Variants in R3HDML observed in about 807,000 individuals in gnomAD.
The protein encoded by R3HDML is R3H domain containing like, also known as peptidase inhibitor R3HDML.
Under a neutral mutation model 24.2 loss-of-function variants are expected in R3HDML, and 21 were observed. The observed-to-expected ratio is 0.87, with a 90% CI of 0.62 to 1.25. The LOEUF (loss-of-function observed/expected upper bound fraction) is 1.25, where lower values mean the gene tolerates loss of function less well. Ranked by LOEUF, R3HDML falls within the 50% of genes most tolerant of loss-of-function variation. R3HDML has a pLI of 0.00. For missense variants in R3HDML, 301 were observed against 340.3 expected (o/e 0.88, Z 0.91); for synonymous variants, 133 against 131.5 (o/e 1.01, Z -0.08).
intron 2 of R3HDML, 102 bp from the exon 3 acceptor site, chr20:44,343,275 G>T (rs2062776811): frequency 1.4e-6 from 2 of 1,418,772 alleles, no homozygotes; most frequent in South Asian, 2.4e-5. Flanking sequence ...CTGAGATGGG[G>T]GAAAGGAAGC....
In R3HDML at chr20:44,337,104, C is replaced by T; in HGVS notation, c.-54C>T. 3.2e-6 allele frequency: 5 copies of T among 1,564,084 alleles called. No individual in the cohort carries two copies. The highest frequency in any genetic ancestry group is 4.3e-6 in the Non-Finnish European group (5 of 1,151,744). ...TCTGGTGCTCTCGTGCCTGCCCCTT[C>T]CAGGCAGCCGGCTCTGATTGCACAA... On this transcript the variant is annotated 5_prime_UTR_variant, in exon 1 of 5. Transcript: ENST00000217043. This position sits in a 1 kb window ranked among gnomAD's most constrained non-coding sequence, Gnocchi z 4.7.
intron 3 of R3HDML, among the ~76,000 whole-genome samples, chr20:44,344,458 T>TA (rs2062780686): frequency 6.7e-6 from 1 of 149,080 alleles, no homozygotes; most frequent in African/African-American, 2.5e-5. Flanking sequence ...AATAATAATT[T>TA]AAAAAGGAAA....
intron 4 of R3HDML, among the ~76,000 whole-genome samples, chr20:44,349,150 T>A (rs7409511): frequency 3.2e-5 from 3 of 94,036 alleles, no homozygotes; most frequent in African/African-American, 1.3e-4. Context: ...ATAAAATAAA[T>A]AAAATAAAAT....
Position 44,337,560 on chromosome 20 carries a change from A to G in R3HDML, c.261+142A>G. 3 of 884,952 alleles carry G rather than the reference A, an allele frequency of 3.4e-6. No homozygotes were observed. The highest frequency in any genetic ancestry group is 2.7e-5 in the Admixed American group (1 of 37,406). 54.8% of individuals were successfully genotyped at this position (884,952 alleles called of 1,614,324 possible). On this transcript the variant is annotated intron_variant, in intron 1 of 4. Transcript: ENST00000217043. The surrounding 1 kb of genome is among the most constrained non-coding windows in gnomAD (Gnocchi z 4.7). ...CCCACTAGCCAGTATCTGGGTGTCG[A>G]CCTGTGGAAAGGGCAGGAGTTAATC...
At position 44,341,182 on chromosome 20, in the gene R3HDML, C is replaced by T. The variant is rs757878294; in HGVS notation, c.262-14C>T. The T allele has an allele frequency of 6.3e-7, 1 of 1,598,896 alleles. No homozygotes were observed. The highest frequency in any genetic ancestry group is 1.1e-5 in the South Asian group (1 of 90,358). On this transcript the variant is annotated splice_polypyrimidine_tract_variant and intron_variant, in intron 1 of 4. Transcript: ENST00000217043. ...CAATTCCCCTGGGGAATTTCATTGC[C>T]TTTCTTTCCCCAGGTCTGGGACAAG...
At chr20:44,341,397 G>T in intron 2 of R3HDML, 83 bp downstream of exon 2, 1 of 1,136,334 alleles carries the variant, frequency 8.8e-7, no homozygotes, top group South Asian at 1.5e-5. Flanking sequence ...TGCTGCACTT[G>T]ACACTGGGAT....
chr20:44,345,946 A>C (rs2062785788), intron 4 of R3HDML, among the ~76,000 whole-genome samples: 1 of 151,992 alleles, frequency 6.6e-6, no homozygotes, highest in Non-Finnish European at 1.5e-5. Flanking sequence ...CAGCCTCCCG[A>C]GTAGCTGGGA....
intron 4 of R3HDML, among the ~76,000 whole-genome samples, chr20:44,346,522 C>G (rs113856630): frequency 0.1 from 15,338 of 152,260 alleles, 963 homozygotes; most frequent in Middle Eastern, 0.17. Flanking sequence ...ATGTGGCTTA[C>G]ATCTGCCAAT....
intron 4 of R3HDML, among the ~76,000 whole-genome samples, chr20:44,346,812 G>A (rs554589215): frequency 5.3e-5 from 8 of 152,186 alleles, no homozygotes; most frequent in South Asian, 4.1e-4. Context: ...GGGAGCAAGC[G>A]TAATGAAACT....
chr20:44,341,069 C>G, intron 1 of R3HDML, 127 bp from the exon 2 acceptor site: 1 of 718,736 alleles, frequency 1.4e-6, no homozygotes, highest in Non-Finnish European at 2.4e-6. Context: ...TACTTTGTCA[C>G]GTGGGTTTGT....
intron 1 of R3HDML, among the ~76,000 whole-genome samples, chr20:44,339,880 G>A (rs1162357112): frequency 6.6e-6 from 1 of 152,088 alleles, no homozygotes; most frequent in Non-Finnish European, 1.5e-5. Context: ...CTGAGTTCAA[G>A]CAATTCTCGT....
intron 1 of R3HDML, among the ~76,000 whole-genome samples, chr20:44,339,244 T>C (rs115213007): frequency 6.6e-6 from 1 of 152,158 alleles, no homozygotes; most frequent in African/African-American, 2.4e-5. Context: ...GGCTCCCATT[T>C]CTCACTCTCA....
intron 4 of R3HDML, among the ~76,000 whole-genome samples, chr20:44,350,341 C>T (rs1338016208): frequency 6.6e-6 from 1 of 151,962 alleles, no homozygotes; most frequent in Non-Finnish European, 1.5e-5. Context: ...TAGGGAGACC[C>T]CCCATCTCTG....
chr20:44,350,814 G>A lies in R3HDML; in HGVS notation c.*22G>A, dbSNP rs758621287. 1.4e-5 allele frequency: 23 copies of A among 1,612,978 alleles called. No homozygotes were observed. Among genetic ancestry groups the A allele is most frequent in the Non-Finnish European group, 1.7e-5 (20 of 1,179,562 alleles). Reference sequence around the variant, plus strand: ...CTGAATTTTCTCTGGGCTTTGGTGCGCCTCCAGCTGGGCCTGACCCTCCAT... The same window carrying A: ...CTGAATTTTCTCTGGGCTTTGGTGCACCTCCAGCTGGGCCTGACCCTCCAT... On this transcript the variant is annotated 3_prime_UTR_variant, in exon 5 of 5. Transcript: ENST00000217043.
chr20:44,340,622 C>T (rs925192023), intron 1 of R3HDML, among the ~76,000 whole-genome samples: 7 of 151,998 alleles, frequency 4.6e-5, no homozygotes, highest in Admixed American at 1.3e-4. Context: ...TGGCAAAACC[C>T]TGTCTCTACA....
intron 2 of R3HDML, among the ~76,000 whole-genome samples, chr20:44,341,754 G>A (rs547993386): frequency 9.2e-5 from 14 of 152,226 alleles, no homozygotes; most frequent in East Asian, 3.9e-4. Context: ...GTGTGGTGGC[G>A]CATGCCTGTA....
chr20:44,341,341 C>T (rs1452172759), intron 2 of R3HDML, 27 bp downstream of exon 2: 2 of 1,541,972 alleles, frequency 1.3e-6, no homozygotes, highest in Admixed American at 1.7e-5. Context: ...CCTTCCTTCA[C>T]TCAGTCATTC....
At chr20:44,347,369 C>T (rs1449083583) in intron 4 of R3HDML, among the ~76,000 whole-genome samples, 1 of 151,790 alleles carries the variant, frequency 6.6e-6, no homozygotes, top group Non-Finnish European at 1.5e-5. Context: ...CAGGCATGCA[C>T]CATTACACCT....
intron 3 of R3HDML, chr20:44,344,923 CTGAG>C: frequency 7.8e-6 from 2 of 256,316 alleles, no homozygotes; most frequent in Non-Finnish European, 1.5e-5. Context: ...CTGCACTTGA[CTGAG>C]TGCAGTATGA....
Sources: gnomAD v4.1 joint callset for allele counts (sites outside exome capture counted in the v4.1 genomes callset) on GRCh38, gnomAD v4.1.1 for gene constraint, Gnocchi (gnomAD v3.1) non-coding constraint, MANE v1.5 for transcripts, NCBI Gene and HGNC (gene_info 2026-07-23, HGNC 2026-07-21) for gene names.